SLC22A23: variants seen among roughly 807,000 people sequenced by gnomAD.
SLC22A23 encodes solute carrier family 22 member 23.
SLC22A23 carries 26 observed loss-of-function variants against 61.0 expected under a neutral mutation model. The ratio of observed to expected loss-of-function variants is 0.43; its 90% confidence interval spans 0.31 to 0.59. The LOEUF (loss-of-function observed/expected upper bound fraction) is 0.59. Ranked by LOEUF, SLC22A23 falls within the 20% of genes least tolerant of loss-of-function variation. SLC22A23 has a pLI of 0.11. For missense variants in SLC22A23, 796 were observed against 934.7 expected (o/e 0.85, Z 1.94); for synonymous variants, 430 against 413.9 (o/e 1.04, Z -0.47).
Position 3,339,132 on chromosome 6 carries a change from A to G in SLC22A23, c.914-15130T>C, listed in dbSNP as rs1764018036. 2.0e-5 allele frequency among the ~76,000 whole-genome samples: 3 copies of G among 152,222 alleles called. No individual in the cohort carries two copies. The South Asian group carries it at 6.2e-4, about 32-fold the overall frequency. ...CAATAGCTCTGTGGCTATTATTGCCATTGCAGCTGAAATCCATGTCAGCCT... is the reference window on the plus strand; with the variant it reads ...CAATAGCTCTGTGGCTATTATTGCCGTTGCAGCTGAAATCCATGTCAGCCT... On this transcript the variant is annotated intron_variant, in intron 3 of 9. Transcript: ENST00000406686.
chr6:3,289,964 C>A (rs752544446), intron 5 of SLC22A23, 98 bp from the exon 6 acceptor site: 10 of 722,422 alleles, frequency 1.4e-5, no homozygotes, highest in East Asian at 3.0e-5. Flanking sequence ...TCGGGTACCA[C>A]AGAAGGGAGA....
At position 3,332,668 on chromosome 6, in the gene SLC22A23, A is replaced by G. The variant is rs143434304; in HGVS notation, c.914-8666T>C. On this transcript the variant is annotated intron_variant, in intron 3 of 9. Coordinates refer to ENST00000406686, the MANE Select transcript of SLC22A23 (RefSeq NM_015482.2). ...TAAATACAAATATGTCTCTCCTAAA[A>G]AAGACATTTTCACATCTAACAAAAT... Among the ~76,000 whole-genome samples the G allele has an allele frequency of 3.0e-3, 452 of 152,300 alleles. 1 individual carries two copies. The highest frequency in any genetic ancestry group is 0.01 in the African/African-American group (418 of 41,558).
At chr6:3,298,735 G>A (rs186701621) in intron 4 of SLC22A23, among the ~76,000 whole-genome samples, 19 of 152,204 alleles carry the variant, frequency 1.2e-4, no homozygotes, top group Admixed American at 1.0e-3. Flanking sequence ...CACTTTGGGA[G>A]GCCGAGGCGG....
At chr6:3,371,329 A>G (rs945845417) in intron 3 of SLC22A23, among the ~76,000 whole-genome samples, 1 of 152,280 alleles carries the variant, frequency 6.6e-6, no homozygotes, top group Non-Finnish European at 1.5e-5. Context: ...CATAGAAAAT[A>G]TAAGTGAAGG....
Position 3,387,021 on chromosome 6 carries a change from T to C in SLC22A23, c.913+23167A>G, listed in dbSNP as rs1004723112. Among the ~76,000 whole-genome samples, 1 of 152,246 alleles carries C rather than the reference T, an allele frequency of 6.6e-6. No individual in the cohort carries two copies. The highest frequency in any genetic ancestry group is 2.4e-5 in the African/African-American group (1 of 41,460). The stretch of plus-strand genomic sequence containing the variant: ...TCACCTTTGTTTCTCAGAAAAACCC[T>C]ACTAACCTTTAAAAAATACACACGT... On this transcript the variant is annotated intron_variant, in intron 3 of 9. Transcript: ENST00000406686. The surrounding 1 kb of genome is among the most constrained non-coding windows in gnomAD (Gnocchi z 5.0).
At chr6:3,311,191 G>A (rs1762349230) in intron 4 of SLC22A23, among the ~76,000 whole-genome samples, 1 of 152,198 alleles carries the variant, frequency 6.6e-6, no homozygotes, top group African/African-American at 2.4e-5. Flanking sequence ...CTATCAAATA[G>A]GCCTTCCCAT....
intron 1 of SLC22A23, among the ~76,000 whole-genome samples, chr6:3,452,099 G>C (rs1347138677): frequency 6.6e-6 from 1 of 152,172 alleles, no homozygotes; most frequent in Non-Finnish European, 1.5e-5. Context: ...GCACATCTGA[G>C]GTAGGCTGGG....
chr6:3,420,749 G>A (rs761499110), intron 1 of SLC22A23, among the ~76,000 whole-genome samples: 8 of 152,098 alleles, frequency 5.3e-5, no homozygotes, highest in African/African-American at 7.2e-5. Context: ...TGAGTTAAGC[G>A]CCCACATGAT....
intron 3 of SLC22A23, among the ~76,000 whole-genome samples, chr6:3,370,865 A>G (rs886740580): frequency 1.3e-5 from 2 of 152,154 alleles, no homozygotes; most frequent in Non-Finnish European, 2.9e-5. Flanking sequence ...AACAGCTCCT[A>G]CCTGAGATTT....
At chr6:3,425,506 A>G (rs947447131) in intron 1 of SLC22A23, among the ~76,000 whole-genome samples, 18 of 151,926 alleles carry the variant, frequency 1.2e-4, no homozygotes, top group East Asian at 3.9e-4. Flanking sequence ...GGATGGTCTC[A>G]ATCTCCTGAC....
At chr6:3,378,657 CTTTTT>C (rs574704294) in intron 3 of SLC22A23, among the ~76,000 whole-genome samples, 5 of 119,058 alleles carry the variant, frequency 4.2e-5, no homozygotes, top group Non-Finnish European at 5.0e-5. Flanking sequence ...TTTCTTTTTT[CTTTTT>C]TTTTTTTTTT....
chr6:3,364,829 G>GTGGACA (rs1765700246), intron 3 of SLC22A23, among the ~76,000 whole-genome samples: 1 of 152,200 alleles, frequency 6.6e-6, no homozygotes, highest in East Asian at 1.9e-4. Flanking sequence ...GAGCAGCTGA[G>GTGGACA]TGGACATGAA....
At chr6:3,366,332 CAAAAAAAAAAAA>C (rs11387672) in intron 3 of SLC22A23, among the ~76,000 whole-genome samples, 2 of 74,164 alleles carry the variant, frequency 2.7e-5, no homozygotes, top group East Asian at 3.6e-4. Context: ...GACTCTGTCT[CAAAAAAAAAAAA>C]AAAAAAAAAA....
intron 3 of SLC22A23, among the ~76,000 whole-genome samples, chr6:3,338,509 G>GA (rs919544576): frequency 2.0e-5 from 3 of 152,194 alleles, no homozygotes; most frequent in African/African-American, 7.2e-5. Flanking sequence ...GTGTTTTTAG[G>GA]AGACAGGGTT....
intron 3 of SLC22A23, among the ~76,000 whole-genome samples, chr6:3,359,712 A>G (rs1157530731): frequency 2.0e-5 from 3 of 152,316 alleles, no homozygotes; most frequent in South Asian, 2.1e-4. Context: ...TAACCCCCCA[A>G]AAGTGAAAGC....
chr6:3,399,186 G>C (rs911940475), intron 3 of SLC22A23, among the ~76,000 whole-genome samples: 1 of 152,174 alleles, frequency 6.6e-6, no homozygotes, highest in Non-Finnish European at 1.5e-5. Context: ...CTGGACTTGG[G>C]AAGTTGTTCA....
At chr6:3,289,945 T>A (rs1282654389) in intron 5 of SLC22A23, 79 bp from the exon 6 acceptor site, 1 of 1,078,356 alleles carries the variant, frequency 9.3e-7, no homozygotes, top group Non-Finnish European at 1.4e-6. Flanking sequence ...ACAGCCCTGG[T>A]TCCCCAGTTC....
chr6:3,449,102 G>A (rs542915972), intron 1 of SLC22A23, among the ~76,000 whole-genome samples: 58 of 152,326 alleles, frequency 3.8e-4, no homozygotes, highest in Non-Finnish European at 6.2e-4. Context: ...GCAAGTCAAC[G>A]TCTGCATGAA....
intron 1 of SLC22A23, among the ~76,000 whole-genome samples, chr6:3,449,111 A>G (rs1772052568): frequency 2.0e-5 from 3 of 152,230 alleles, no homozygotes. Flanking sequence ...CGTCTGCATG[A>G]AATGCTGGTT....
Sources: allele counts gnomAD v4.1 joint callset (sites outside exome capture counted in the v4.1 genomes callset), GRCh38; gene constraint gnomAD v4.1.1; non-coding constraint Gnocchi (gnomAD v3.1); transcripts MANE v1.5; gene names NCBI Gene and HGNC (gene_info 2026-07-23, HGNC 2026-07-21).